FAM241A: variants seen among roughly 807,000 people sequenced by gnomAD.
The protein encoded by FAM241A is uncharacterized protein FAM241A.
A neutral mutation model predicts 12.2 loss-of-function variants in FAM241A; 7 were observed. That is an observed-to-expected ratio of 0.58 (90% CI 0.33 to 1.08). The LOEUF is 1.08. FAM241A is among the 50% of genes least tolerant of loss of function. The probability of loss-of-function intolerance (pLI) is 0.04; values close to 1 mark genes in which losing one functional copy is unlikely to be tolerated. For missense variants in FAM241A, 161 were observed against 169.7 expected (o/e 0.95, Z 0.29); for synonymous variants, 74 against 68.2 (o/e 1.08, Z -0.42).
In FAM241A at chr4:112,194,113, G is replaced by A. The variant is rs1578383896; in HGVS notation, c.*7175G>A. ...GTATTTTGTTCTCTTTGAAGCAATT[G>A]TGAATGGGAGTTCACTCATGATTTG... On this transcript the variant is annotated 3_prime_UTR_variant, in exon 2 of 2. Transcript: ENST00000309733. The A allele has an allele frequency of 1.5e-5, 2 of 133,110 alleles. No homozygotes were observed. The highest frequency in any genetic ancestry group is 4.9e-4 in the South Asian group (2 of 4,064). 8.2% of individuals were successfully genotyped at this position (133,110 alleles called of 1,614,324 possible). A position where few individuals can be genotyped will look rare whatever the true frequency, so the allele number is the denominator to read the frequency against.
intron 1 of FAM241A, among the ~76,000 whole-genome samples, chr4:112,185,587 A>G (rs957799483): frequency 6.6e-6 from 1 of 152,204 alleles, no homozygotes; most frequent in Non-Finnish European, 1.5e-5. Context: ...TGAAACTGAG[A>G]AGCTTCAAAA....
At chr4:112,184,986 G>A (rs550225384) in intron 1 of FAM241A, among the ~76,000 whole-genome samples, 18 of 152,156 alleles carry the variant, frequency 1.2e-4, no homozygotes, top group African/African-American at 3.9e-4. Context: ...ATGATTTTGT[G>A]ACACTCCCTT....
intron 1 of FAM241A, among the ~76,000 whole-genome samples, chr4:112,180,521 A>T (rs555938205): frequency 6.6e-6 from 1 of 152,318 alleles, no homozygotes; most frequent in South Asian, 2.1e-4. Context: ...GGTGTTCATT[A>T]TACCAGTGTT....
At position 112,187,039 on chromosome 4, in the gene FAM241A, C is replaced by A; in HGVS notation, c.*101C>A. ...ACAACCGAAAAAGTTTGCCTTGTTT[C>A]AAATCATGTGCTGGCTGTTTTGTAA... On this transcript the variant is annotated 3_prime_UTR_variant, in exon 2 of 2. Transcript: ENST00000309733. 1 of 1,337,444 alleles carries A rather than the reference C, an allele frequency of 7.5e-7. No individual in the cohort carries two copies. The highest frequency in any genetic ancestry group is 1.0e-6 in the Non-Finnish European group (1 of 972,474). 82.8% of individuals were successfully genotyped at this position (1,337,444 alleles called of 1,614,324 possible). A position where few individuals can be genotyped will look rare whatever the true frequency, so the allele number is the denominator to read the frequency against.
In FAM241A at chr4:112,145,586, C is replaced by T; in HGVS notation, c.6C>T (p.Cys2=). Reference sequence around the variant, plus strand: ...CGGTAGGAGTTGGCTGCGGGATGTGCTCAGCCGGGGAGCTGCTGCGGGGCG... The same window carrying T: ...CGGTAGGAGTTGGCTGCGGGATGTGTTCAGCCGGGGAGCTGCTGCGGGGCG... M[C]SAGELLRGGD... is the part of the protein sequence containing the mutation. The change falls in exon 1 of 2, where the codon TGC becomes TGT. Residue 2 remains cysteine (C), a synonymous_variant. Transcript: ENST00000309733. 1.6e-6 allele frequency: 2 copies of T among 1,248,378 alleles called. No homozygotes were observed. Among genetic ancestry groups the T allele is most frequent in the Non-Finnish European group, 2.0e-6 (2 of 995,388 alleles). The allele number at this position is 1,248,378 out of a possible 1,614,324, so 77.3% of individuals were successfully genotyped here.
In FAM241A at chr4:112,191,065, G is replaced by C. The variant is rs1724157322; in HGVS notation, c.*4127G>C. ...GTTATCCCATAGTACCCAAGACTCA[G>C]CGTGTCCAAACGAGCGCAGCATCCT... On this transcript the variant is annotated 3_prime_UTR_variant, in exon 2 of 2. Coordinates refer to ENST00000309733, the MANE Select transcript of FAM241A (RefSeq NM_152400.3). 6.6e-6 allele frequency: 1 copy of C among 152,214 alleles called. No homozygotes were observed. The highest frequency in any genetic ancestry group is 1.5e-5 in the Non-Finnish European group (1 of 68,074). The allele number at this position is 152,214 out of a possible 1,614,324, so 9.4% of individuals were successfully genotyped here.
At chr4:112,161,136 A>G (rs1408229983) in intron 1 of FAM241A, among the ~76,000 whole-genome samples, 1 of 152,232 alleles carries the variant, frequency 6.6e-6, no homozygotes, top group East Asian at 1.9e-4. Flanking sequence ...ACAACATAAC[A>G]GAATCTCTGG....
At chr4:112,155,639 C>T (rs1051201970) in intron 1 of FAM241A, among the ~76,000 whole-genome samples, 1 of 151,916 alleles carries the variant, frequency 6.6e-6, no homozygotes, top group Non-Finnish European at 1.5e-5. Context: ...AAAACTGCAA[C>T]TTCATGTAGA....
At chr4:112,185,459 A>C (rs1447841993) in intron 1 of FAM241A, among the ~76,000 whole-genome samples, 1 of 152,190 alleles carries the variant, frequency 6.6e-6, no homozygotes, top group African/African-American at 2.4e-5. Context: ...GCTGTGCTTT[A>C]ACAAGCCCTC....
chr4:112,183,314 G>A (rs1008967446), intron 1 of FAM241A, among the ~76,000 whole-genome samples: 16 of 152,020 alleles, frequency 1.1e-4, no homozygotes, highest in Admixed American at 5.2e-4. Context: ...GAAGCAGGCT[G>A]CAACAGCCAC....
At chr4:112,184,537 A>AG (rs1474344860) in intron 1 of FAM241A, among the ~76,000 whole-genome samples, 1 of 152,106 alleles carries the variant, frequency 6.6e-6, no homozygotes, top group Non-Finnish European at 1.5e-5. Flanking sequence ...AAAAAAAAAA[A>AG]TTATATAAAA....
At chr4:112,166,194 G>A (rs1216158148) in intron 1 of FAM241A, among the ~76,000 whole-genome samples, 1 of 151,114 alleles carries the variant, frequency 6.6e-6, no homozygotes, top group East Asian at 1.9e-4. Context: ...GACTACAGGT[G>A]CCCCCCACCA....
rs557121852 is a variant in FAM241A at position 112,191,872 on chromosome 4, G to A, written c.*4934G>A. On this transcript the variant is annotated 3_prime_UTR_variant, in exon 2 of 2. Coordinates refer to ENST00000309733, the MANE Select transcript of FAM241A (RefSeq NM_152400.3). ...TAAATTAATCAATAGGCTTCACAAG[G>A]GAAGAGAACATGTCTGTCATTCTAT... is the stretch of plus-strand genomic sequence containing the variant. 11 of 152,210 alleles carry A rather than the reference G, an allele frequency of 7.2e-5. No homozygotes were observed. The highest frequency in any genetic ancestry group is 1.0e-4 in the Non-Finnish European group (7 of 68,016). 9.4% of individuals were successfully genotyped at this position (152,210 alleles called of 1,614,324 possible). A position where few individuals can be genotyped will look rare whatever the true frequency, so the allele number is the denominator to read the frequency against.
chr4:112,154,947 T>C (rs1160574224), intron 1 of FAM241A, among the ~76,000 whole-genome samples: 2 of 151,866 alleles, frequency 1.3e-5, no homozygotes, highest in Non-Finnish European at 1.5e-5. Context: ...GGTAGAAGAA[T>C]CGCTTGAACC....
chr4:112,164,605 AAAAAT>A lies in FAM241A; in HGVS notation c.153+18883_153+18887del, dbSNP rs543592480. Among the ~76,000 whole-genome samples the A allele has an allele frequency of 3.6e-3, 548 of 152,308 alleles. 2 individuals are homozygous for A. Among genetic ancestry groups the A allele is most frequent in the African/African-American group, 8.4e-3 (348 of 41,584 alleles). ...TAGAACTTAAAGTATAATAATTTTA[AAAAAT>A]AAAATAAAATGAAAAAAAAGCTTCT... is the stretch of plus-strand genomic sequence containing the variant. On this transcript the variant is annotated intron_variant, in intron 1 of 1. Transcript: ENST00000309733.
chr4:112,150,130 AGAAT>A (rs1723218205), intron 1 of FAM241A, among the ~76,000 whole-genome samples: 2 of 151,974 alleles, frequency 1.3e-5, no homozygotes, highest in Admixed American at 6.6e-5. Flanking sequence ...TAATCTCTTT[AGAAT>A]GATTTTCTAT....
intron 1 of FAM241A, among the ~76,000 whole-genome samples, chr4:112,185,142 T>C (rs1724013474): frequency 1.3e-5 from 2 of 152,234 alleles, no homozygotes; most frequent in Admixed American, 1.3e-4. Flanking sequence ...AATAATTCAA[T>C]AATTATTTGA....
intron 1 of FAM241A, among the ~76,000 whole-genome samples, chr4:112,146,043 G>A (rs1167421963): frequency 1.3e-5 from 2 of 152,168 alleles, no homozygotes; most frequent in Non-Finnish European, 2.9e-5. Flanking sequence ...CGGAGGAAAT[G>A]CCCTCCATAG....
At chr4:112,151,908 G>C (rs1215452204) in intron 1 of FAM241A, among the ~76,000 whole-genome samples, 1 of 152,110 alleles carries the variant, frequency 6.6e-6, no homozygotes, top group African/African-American at 2.4e-5. Context: ...TTACATGATG[G>C]AAAAACAGTC....
Sources: allele counts gnomAD v4.1 joint callset (sites outside exome capture counted in the v4.1 genomes callset), GRCh38; gene constraint gnomAD v4.1.1; transcripts MANE v1.5; gene names NCBI Gene and HGNC (gene_info 2026-07-23, HGNC 2026-07-21).